MRPL14: variants seen among roughly 807,000 people sequenced by gnomAD.
MRPL14 encodes the protein large ribosomal subunit protein uL14m.
Under a neutral mutation model 10.9 loss-of-function variants are expected in MRPL14, and 8 were observed. That is an observed-to-expected ratio of 0.74 (90% CI 0.43 to 1.33). The LOEUF is 1.33. Among genes scored for constraint, MRPL14 ranks in the 40% most tolerant of loss-of-function variants. The pLI is 0.01. For missense variants in MRPL14, 179 were observed against 194.5 expected (o/e 0.92, Z 0.47); for synonymous variants, 82 against 74.1 (o/e 1.11, Z -0.54).
intron 1 of MRPL14, among the ~76,000 whole-genome samples, chr6:44,124,160 T>G (rs975966533): frequency 6.6e-6 from 1 of 152,076 alleles, no homozygotes; most frequent in Non-Finnish European, 1.5e-5. Context: ...GGGCTCCAGG[T>G]TTATTAAGAT....
intron 1 of MRPL14, among the ~76,000 whole-genome samples, chr6:44,124,765 T>C (rs1040745187): frequency 6.6e-6 from 1 of 152,240 alleles, no homozygotes; most frequent in Admixed American, 6.5e-5. Context: ...TTCTCTTGCA[T>C]ACTAGTTGTC....
rs1582712219 is a variant in MRPL14, at chr6:44,113,788, T to C, written c.*55A>G. On this transcript the variant is annotated 3_prime_UTR_variant, in exon 3 of 3. Transcript: ENST00000372014. The stretch of plus-strand genomic sequence containing the variant: ...CTCCCAAGCTCCCTTAGCAAAAGGG[T>C]GGTTCTCAGAACTGCTCCATTCACG... 3.3e-6 allele frequency: 5 copies of C among 1,505,550 alleles called. No individual in the cohort carries two copies. The East Asian group carries it at 1.1e-4, about 34-fold the overall frequency. 93.3% of individuals were successfully genotyped at this position (1,505,550 alleles called of 1,614,324 possible).
At chr6:44,122,736 T>C (rs1037569882) in intron 1 of MRPL14, among the ~76,000 whole-genome samples, 3 of 151,912 alleles carry the variant, frequency 2.0e-5, no homozygotes, top group Non-Finnish European at 4.4e-5. Context: ...AGAAATCAAA[T>C]GGAAAGCCCA....
Position 44,113,914 on chromosome 6 carries a change from T to C in MRPL14, c.367A>G (p.Ile123Val). The change falls in exon 3 of 3, where the codon ATC becomes GTC. Residue 123 changes from isoleucine (I) to valine (V), a missense_variant. Coordinates refer to ENST00000372014, the MANE Select transcript of MRPL14 (RefSeq NM_032111.4). ...TCCCGCTTGCGCAGGCTGGTGGGGA[T>C]GGGTGTCTTAATTCGTGTCCCCACA... ...NPVGTRIKTP[I>V]PTSLRKREGE... is the part of the protein sequence containing the mutation. 5.6e-6 allele frequency: 9 copies of C among 1,608,552 alleles called. No homozygotes were observed. Among genetic ancestry groups the C allele is most frequent in the Non-Finnish European group, 7.7e-6 (9 of 1,175,410 alleles).
In MRPL14 at chr6:44,113,706, T is replaced by C. The variant is rs2128191154; in HGVS notation, c.*137A>G. ...CTGGAAAAACACATAAATGAATACA[T>C]TTATTCTCTCACAGGATACTACACT... On this transcript the variant is annotated 3_prime_UTR_variant, in exon 3 of 3. Coordinates refer to ENST00000372014, the MANE Select transcript of MRPL14 (RefSeq NM_032111.4). 2.4e-6 allele frequency: 2 copies of C among 849,098 alleles called. No homozygotes were observed. The highest frequency in any genetic ancestry group is 3.4e-6 in the Non-Finnish European group (2 of 585,210). The allele number at this position is 849,098 out of a possible 1,614,324, so 52.6% of individuals were successfully genotyped here. A position where few individuals can be genotyped will look rare whatever the true frequency, so the allele number is the denominator to read the frequency against.
At chr6:44,115,590 C>T (rs2128193006) in intron 2 of MRPL14, among the ~76,000 whole-genome samples, 1 of 152,326 alleles carries the variant, frequency 6.6e-6, no homozygotes, top group East Asian at 1.9e-4. Flanking sequence ...CATTAGTGTC[C>T]TAGTTGGTTC....
chr6:44,115,825 A>G (rs962912832), intron 2 of MRPL14, among the ~76,000 whole-genome samples: 1 of 152,124 alleles, frequency 6.6e-6, no homozygotes, highest in African/African-American at 2.4e-5. Flanking sequence ...CTCCCTTTTG[A>G]GAAGACTGCC....
chr6:44,120,383 A>G (rs1375686167), intron 1 of MRPL14, among the ~76,000 whole-genome samples: 1 of 152,214 alleles, frequency 6.6e-6, no homozygotes, highest in African/African-American at 2.4e-5. Flanking sequence ...CAACATGGCA[A>G]CTGAACGTGC....
intron 2 of MRPL14, among the ~76,000 whole-genome samples, 171 bp from the exon 3 acceptor site, chr6:44,114,380 C>A (rs961754528): frequency 6.6e-6 from 1 of 152,204 alleles, no homozygotes; most frequent in Non-Finnish European, 1.5e-5. Flanking sequence ...CTTATCTGTA[C>A]CCACAACAGT....
chr6:44,120,746 T>C (rs1054817461), intron 1 of MRPL14, among the ~76,000 whole-genome samples: 3 of 152,276 alleles, frequency 2.0e-5, no homozygotes, highest in African/African-American at 7.2e-5. Context: ...TAAATACTTG[T>C]TGAATAAAAT....
At chr6:44,123,692 C>T (rs1776665697) in intron 1 of MRPL14, among the ~76,000 whole-genome samples, 1 of 152,178 alleles carries the variant, frequency 6.6e-6, no homozygotes, top group South Asian at 2.1e-4. Context: ...GTTTATATAA[C>T]TTATGCCCCA....
At position 44,116,618 on chromosome 6, in the gene MRPL14, C is replaced by T. The variant is rs1775874834; in HGVS notation, c.-7G>A. The T allele has an allele frequency of 1.2e-6, 2 of 1,613,640 alleles. No homozygotes were observed. The highest frequency in any genetic ancestry group is 1.1e-5 in the South Asian group (1 of 91,058). ...GCCCAGTAAAGAAAGCCATGGGATC[C>T]CAAGATAGATCCTGCAGGAAAAACG... On this transcript the variant is annotated 5_prime_UTR_variant, in exon 2 of 3. Coordinates refer to ENST00000372014, the MANE Select transcript of MRPL14 (RefSeq NM_032111.4).
Position 44,113,978 on chromosome 6 carries a change from G to A in MRPL14, c.303C>T (p.Asp101=), listed in dbSNP as rs200845636. 3 of 1,614,144 alleles carry A rather than the reference G, an allele frequency of 1.9e-6. No individual in the cohort carries two copies. In the African/African-American group the frequency reaches 4.0e-5, roughly 22 times the overall value. The change falls in exon 3 of 3, where the codon GAC becomes GAT. Residue 101 remains aspartate, a synonymous_variant. Transcript: ENST00000372014. The part of the protein sequence containing the change: ...MPGPRMTPRF[D]SNNVVLIEDN... ...CCTCAATGAGGACCACGTTGTTGGA[G>A]TCGAATCTGGGGGTCATTCGGGGGC...
intron 1 of MRPL14, among the ~76,000 whole-genome samples, chr6:44,117,232 T>G (rs988672146): frequency 7.0e-6 from 1 of 143,452 alleles, no homozygotes; most frequent in Admixed American, 7.1e-5. Context: ...CCAAACACTG[T>G]AACATGGAAA....
chr6:44,120,815 A>G (rs1262353018), intron 1 of MRPL14, among the ~76,000 whole-genome samples: 2 of 152,204 alleles, frequency 1.3e-5, no homozygotes, highest in Non-Finnish European at 2.9e-5. Context: ...GTAAATCCAG[A>G]AACGGCAGAG....
intron 1 of MRPL14, 131 bp from the exon 2 acceptor site, chr6:44,116,760 T>C: frequency 1.5e-6 from 1 of 650,994 alleles, no homozygotes; most frequent in Non-Finnish European, 2.8e-6. Flanking sequence ...TAAATCTTAG[T>C]GGTTAAAGGA....
intron 1 of MRPL14, among the ~76,000 whole-genome samples, chr6:44,123,857 C>T (rs1562101589): frequency 6.6e-6 from 1 of 151,808 alleles, no homozygotes; most frequent in African/African-American, 2.4e-5. Context: ...GGTGACAGAG[C>T]GAGACCCTGC....
intron 1 of MRPL14, among the ~76,000 whole-genome samples, chr6:44,120,340 C>G (rs1428575258): frequency 2.0e-5 from 3 of 152,200 alleles, no homozygotes; most frequent in Non-Finnish European, 4.4e-5. Context: ...TCTTCCCACT[C>G]ACTATCCAAA....
chr6:44,122,402 A>C (rs985831424), intron 1 of MRPL14, among the ~76,000 whole-genome samples: 3 of 152,032 alleles, frequency 2.0e-5, no homozygotes, highest in Non-Finnish European at 4.4e-5. Flanking sequence ...ATTTTTAGCT[A>C]CTCTGAGTTG....
Sources: allele counts gnomAD v4.1 joint callset (sites outside exome capture counted in the v4.1 genomes callset), GRCh38; gene constraint gnomAD v4.1.1; transcripts MANE v1.5; gene names NCBI Gene and HGNC (gene_info 2026-07-23, HGNC 2026-07-21).